ADAMTS2: variants seen among roughly 807,000 people sequenced by gnomAD.
ADAMTS2 encodes the protein ADAM metallopeptidase with thrombospondin type 1 motif 2, also known as A disintegrin and metalloproteinase with thrombospondin motifs 2.
Under a neutral mutation model 123.0 loss-of-function variants are expected in ADAMTS2, and 50 were observed. That is an observed-to-expected ratio of 0.41 (90% confidence interval 0.32 to 0.51). ADAMTS2 has a LOEUF of 0.51. Among genes scored for constraint, ADAMTS2 ranks in the 20% least tolerant of loss-of-function variants. The pLI is 0.35. For missense variants in ADAMTS2, 1,494 were observed against 1,705.2 expected (o/e 0.88, Z 2.18); for synonymous variants, 678 against 695.4 (o/e 0.98, Z 0.39).
rs1246272952 is a variant in ADAMTS2, at chr5:179,289,783, G to A, written c.535-16719C>T. Among the ~76,000 whole-genome samples, 5 of 152,206 alleles carry A rather than the reference G, an allele frequency of 3.3e-5. No individual in the cohort carries two copies. In the East Asian group the frequency reaches 7.7e-4, roughly 23 times the overall value. ...CCCAATGTGACAGTCCCAGCGTGGT[G>A]CCCTACGGAGGGCACAGTGCTTCTG... On this transcript the variant is annotated intron_variant, in intron 2 of 21. Transcript: ENST00000251582.
In ADAMTS2 at chr5:179,135,495, C is replaced by A. The variant is rs142656887; in HGVS notation, c.2085+414G>T. Among the ~76,000 whole-genome samples the A allele has an allele frequency of 3.3e-5, 5 of 152,318 alleles. No individual in the cohort carries two copies. In the East Asian group the frequency reaches 9.7e-4, roughly 29 times the overall value. On this transcript the variant is annotated intron_variant, in intron 13 of 21. Coordinates refer to ENST00000251582, the MANE Select transcript of ADAMTS2 (RefSeq NM_014244.5). The stretch of plus-strand genomic sequence containing the variant: ...TTCTACAAAGCACCAAACCAGTGAC[C>A]CTCACAGTGGCCACCCAGATCCAGC...
chr5:179,343,653 G>A (rs981974056), intron 2 of ADAMTS2, 114 bp downstream of exon 2: 2 of 1,398,138 alleles, frequency 1.4e-6, no homozygotes, highest in Non-Finnish European at 1.9e-6. Flanking sequence ...CACGGGAAGG[G>A]CGCGGAAAGT....
At chr5:179,221,672 C>T (rs1245803377) in intron 3 of ADAMTS2, among the ~76,000 whole-genome samples, 1 of 152,138 alleles carries the variant, frequency 6.6e-6, no homozygotes, top group Non-Finnish European at 1.5e-5. Flanking sequence ...AGGGAAACCC[C>T]ATGTGGGCGG....
chr5:179,264,184 CT>C (rs1475990034), intron 3 of ADAMTS2, among the ~76,000 whole-genome samples: 2 of 152,192 alleles, frequency 1.3e-5, no homozygotes, highest in Admixed American at 1.3e-4. Context: ...CGCCCCACCC[CT>C]CTCTATCCCC....
In ADAMTS2 at chr5:179,299,530, AAC is replaced by A. The variant is rs3986821; in HGVS notation, c.535-26468_535-26467del. Among the ~76,000 whole-genome samples the A allele has an allele frequency of 9.8e-3, 1,180 of 120,504 alleles. 13 individuals carry two copies. The highest frequency in any genetic ancestry group is 0.025 in the African/African-American group (795 of 31,754). 79.1% of individuals were successfully genotyped at this position (120,504 alleles called of 152,430 possible). On this transcript the variant is annotated intron_variant, in intron 2 of 21. Transcript: ENST00000251582. ...GGCAACAGATCAAGACTCCAACTCA[AAC>A]ACACACACACACACACACACACACA...
intron 18 of ADAMTS2, among the ~76,000 whole-genome samples, chr5:179,125,473 G>A (rs1036592842): frequency 1.3e-5 from 2 of 152,176 alleles, no homozygotes; most frequent in African/African-American, 4.8e-5. Flanking sequence ...AGCCTGAAGA[G>A]GTTTCCCAGC....
chr5:179,122,748 G>C lies in ADAMTS2; in HGVS notation c.2984C>G (p.Thr995Ser), dbSNP rs755241503. The C allele has an allele frequency of 6.4e-6, 10 of 1,554,644 alleles. No individual in the cohort carries two copies. In the South Asian group the frequency reaches 1.2e-4, roughly 18 times the overall value. ...GCGGCAGAGCACTGGCCGCTCCTGG[G>C]TGCCGTTGCCACAGGTTACTGAGCA... ...SQCSVTCGNG[T>S]QERPVLCRTA... Residue 995 changes from threonine (T) to serine (S), a missense_variant, in exon 20 of 22, where the codon ACC becomes AGC. This residue lies in a region of ADAMTS2 where 953 missense variants were observed against 1,124.7 expected (regional missense o/e 0.85). Coordinates refer to ENST00000251582, the MANE Select transcript of ADAMTS2 (RefSeq NM_014244.5).
At chr5:179,331,884 C>T (rs1461358604) in intron 2 of ADAMTS2, among the ~76,000 whole-genome samples, 1 of 152,192 alleles carries the variant, frequency 6.6e-6, no homozygotes, top group Non-Finnish European at 1.5e-5. Context: ...TAGCTGGGTG[C>T]CCCACAGTTG....
Position 179,122,720 on chromosome 5 carries a change from G to T in ADAMTS2, c.3012C>A (p.Thr1004=), listed in dbSNP as rs571054777. The change falls in exon 20 of 22, where the codon ACC becomes ACA. Residue 1004 remains threonine, a synonymous_variant. Coordinates refer to ENST00000251582, the MANE Select transcript of ADAMTS2 (RefSeq NM_014244.5). ...GTQERPVLCR[T]ADDSFGICQE... is the part of the protein sequence containing the mutation. ...GGCAGATGCCGAAGCTGTCGTCCGCGGTGCGGCAGAGCACTGGCCGCTCCT... is the reference window on the plus strand; with the variant it reads ...GGCAGATGCCGAAGCTGTCGTCCGCTGTGCGGCAGAGCACTGGCCGCTCCT... 6.4e-7 allele frequency: 1 copy of T among 1,552,570 alleles called. No individual in the cohort carries two copies. The highest frequency in any genetic ancestry group is 1.2e-5 in the South Asian group (1 of 84,168).
At chr5:179,172,859 A>G (rs1230669859) in intron 5 of ADAMTS2, among the ~76,000 whole-genome samples, 6 of 152,168 alleles carry the variant, frequency 3.9e-5, no homozygotes, top group African/African-American at 1.4e-4. Context: ...TTAAAAAATC[A>G]TTTAAAAAAT....
At chr5:179,209,868 G>A in intron 3 of ADAMTS2, among the ~76,000 whole-genome samples, 1 of 152,222 alleles carries the variant, frequency 6.6e-6, no homozygotes, top group Non-Finnish European at 1.5e-5. Flanking sequence ...TTGGGAAGGA[G>A]AGTGATGGCA....
At chr5:179,169,690 T>C (rs1763777207) in intron 5 of ADAMTS2, among the ~76,000 whole-genome samples, 1 of 152,166 alleles carries the variant, frequency 6.6e-6, no homozygotes, top group African/African-American at 2.4e-5. Context: ...CTGGCCTTCC[T>C]GCACCATGGC....
At chr5:179,195,904 G>A (rs944420624) in intron 4 of ADAMTS2, among the ~76,000 whole-genome samples, 2 of 152,190 alleles carry the variant, frequency 1.3e-5, no homozygotes, top group African/African-American at 4.8e-5. Context: ...CCCGTGTTTC[G>A]TGTCCAGTTT....
rs1349530510 is a variant in ADAMTS2 at position 179,162,723 on chromosome 5, C to G, written c.976-3844G>C. ...ACCGCAGGGCATGGACATTAAGAGA[C>G]TGGGTCACTGGCGGCCATCACGAAG... is the stretch of plus-strand genomic sequence containing the variant. On this transcript the variant is annotated intron_variant, in intron 5 of 21. Coordinates refer to ENST00000251582, the MANE Select transcript of ADAMTS2 (RefSeq NM_014244.5). The surrounding 1 kb of genome is among the most constrained non-coding windows in gnomAD (Gnocchi z 5.1). Among the ~76,000 whole-genome samples, 2 of 152,264 alleles carry G rather than the reference C, an allele frequency of 1.3e-5. No homozygotes were observed. The highest frequency in any genetic ancestry group is 4.8e-5 in the African/African-American group (2 of 41,474).
chr5:179,200,983 C>A (rs1764550109), intron 4 of ADAMTS2, among the ~76,000 whole-genome samples: 1 of 152,184 alleles, frequency 6.6e-6, no homozygotes, highest in Non-Finnish European at 1.5e-5. Context: ...ATAAAATAAT[C>A]TCTGTTTACA....
intron 2 of ADAMTS2, among the ~76,000 whole-genome samples, chr5:179,318,147 C>T (rs1757054084): frequency 6.6e-6 from 1 of 152,218 alleles, no homozygotes; most frequent in South Asian, 2.1e-4. Context: ...CCATCCAAGG[C>T]TCCAGCCACT....
Position 179,197,008 on chromosome 5 carries a change from C to T in ADAMTS2, c.891+10505G>A, listed in dbSNP as rs1415889903. The stretch of plus-strand genomic sequence containing the variant: ...GACAAATTCACGTGAATTTTGCTTT[C>T]ATGCAAGTAATACGTCCAAATTTAC... On this transcript the variant is annotated intron_variant, in intron 4 of 21. Transcript: ENST00000251582. The surrounding 1 kb of genome is among the most constrained non-coding windows in gnomAD (Gnocchi z 4.2). Among the ~76,000 whole-genome samples the T allele has an allele frequency of 1.3e-5, 2 of 152,264 alleles. No homozygotes were observed. Among genetic ancestry groups the T allele is most frequent in the Non-Finnish European group, 2.9e-5 (2 of 68,044 alleles).
rs776115866 is a variant in ADAMTS2 at position 179,114,013 on chromosome 5, G to A, written c.3490C>T (p.Pro1164Ser). 53 of 1,613,998 alleles carry A rather than the reference G, an allele frequency of 3.3e-5. No individual in the cohort carries two copies. The highest frequency in any genetic ancestry group is 3.8e-5 in the Non-Finnish European group (45 of 1,180,036). Residue 1164 changes from proline (P) to serine (S), a missense_variant, in exon 22 of 22, where the codon CCC (proline) becomes TCC (serine). Physicochemically the swap from Pro to Ser is moderately conservative, Grantham distance 74. Transcript: ENST00000251582. ...TCTTCCAGGCCATGGATTTTGTAGG[G>A]TTCATCTACGGCATTGGTTTCTGGG... ...DHPETNAVDEPYKIHGLEDEV... is the reference protein window; with the variant it reads ...DHPETNAVDESYKIHGLEDEV...
chr5:179,151,048 C>A (rs979572406), intron 10 of ADAMTS2: 2 of 253,396 alleles, frequency 7.9e-6, no homozygotes, highest in South Asian at 3.7e-5. Flanking sequence ...AGGCACCCAC[C>A]ACCGCGCCCA....
Sources: allele counts gnomAD v4.1 joint callset (sites outside exome capture counted in the v4.1 genomes callset), GRCh38; gene constraint gnomAD v4.1.1; regional missense constraint gnomAD v4.1.1; non-coding constraint Gnocchi (gnomAD v3.1); transcripts MANE v1.5; gene names NCBI Gene and HGNC (gene_info 2026-07-23, HGNC 2026-07-21).